Variants in ARMCX4 observed in about 807,000 individuals in gnomAD.
The protein encoded by ARMCX4 is armadillo repeat-containing X-linked protein 4.
ARMCX4 carries 3 observed loss-of-function variants against 34.7 expected under a neutral mutation model. The observed-to-expected ratio is 0.09, with a 90% CI of 0.04 to 0.22. The LOEUF (loss-of-function observed/expected upper bound fraction) is 0.22. Among genes scored for constraint, ARMCX4 ranks in the 10% least tolerant of loss-of-function variants. ARMCX4 has a pLI of 1.00. For missense variants in ARMCX4, 1,448 were observed against 1,720.8 expected (o/e 0.84, Z 2.81); for synonymous variants, 513 against 632.8 (o/e 0.81, Z 2.84).
chrX:101,500,768 T>G (rs1301545303), downstream of ARMCX4, among the ~76,000 whole-genome samples: 1 of 112,334 alleles, frequency 8.9e-6, no homozygotes, highest in African/African-American at 3.2e-5. Flanking sequence ...ACACAGTTTT[T>G]CCTCAGTGCT....
intron 2 of ARMCX4, among the ~76,000 whole-genome samples, chrX:101,428,083 C>T (rs1039497502): frequency 8.9e-5 from 10 of 111,949 alleles, no homozygotes; most frequent in African/African-American, 1.6e-4. Flanking sequence ...ACGTGTACAC[C>T]GGTGTTCTTA....
In ARMCX4 at chrX:101,495,245, A is replaced by G; in HGVS notation, c.6656A>G (p.Lys2219Arg). The change falls in exon 6 of 6, where the codon AAG becomes AGG. Residue 2219 changes from lysine (K) to arginine (R), a missense_variant. Lys to Arg is a conservative substitution (Grantham distance 26). Coordinates refer to ENST00000423738, the MANE Select transcript of ARMCX4 (RefSeq NM_001256155.3). The stretch of plus-strand genomic sequence containing the variant: ...AACATTTTTAGCAAGAAAGAGACAA[A>G]GGAGAATATTCTTAATGCTCTTTCA... ...LINIFSKKET[K>R]ENILNALSLF... The G allele has an allele frequency of 8.7e-7, 1 of 1,147,754 alleles. No individual in the cohort carries two copies. Among genetic ancestry groups the G allele is most frequent in the Non-Finnish European group, 1.2e-6 (1 of 866,034 alleles). 94.6% of individuals were successfully genotyped at this position (1,147,754 alleles called of 1,213,427 possible).
chrX:101,470,124 T>G (rs1273468392), intron 4 of ARMCX4, among the ~76,000 whole-genome samples: 1 of 111,797 alleles, frequency 8.9e-6, no homozygotes, highest in Non-Finnish European at 1.9e-5. Context: ...AGCCAAGAAC[T>G]CTCCTGGGCT....
chrX:101,425,352 A>G (rs1301545453), intron 2 of ARMCX4, among the ~76,000 whole-genome samples: 1 of 109,818 alleles, frequency 9.1e-6, no homozygotes, highest in African/African-American at 3.3e-5. Context: ...GAAATCTAGA[A>G]TGGAACAGAT....
chrX:101,498,154 C>T (rs572503736), downstream of ARMCX4: 1 of 330,239 alleles, frequency 3.0e-6, no homozygotes, highest in South Asian at 2.6e-5. Context: ...GGTGTTGATC[C>T]CAAGAGCATT....
intron 2 of ARMCX4, among the ~76,000 whole-genome samples, chrX:101,429,332 C>CTTTTT (rs151320609): frequency 3.1e-5 from 2 of 64,149 alleles, no homozygotes; most frequent in African/African-American, 5.5e-5. Context: ...CCTAGATTGT[C>CTTTTT]TTTTTTTTTT....
chrX:101,425,393 CTTT>C (rs1433372159), intron 2 of ARMCX4, among the ~76,000 whole-genome samples: 1 of 88,802 alleles, frequency 1.1e-5, no homozygotes. Context: ...GAGGAAGGCA[CTTT>C]TTTTTTTTTT....
chrX:101,521,035 G>A (rs1352225474), intron 11 of ARMCX4, among the ~76,000 whole-genome samples: 8 of 107,507 alleles, frequency 7.4e-5, no homozygotes, highest in Middle Eastern at 4.8e-3. Flanking sequence ...GGGTTGAAGC[G>A]ATCCTCCTTC....
intron 2 of ARMCX4, among the ~76,000 whole-genome samples, chrX:101,438,476 A>T (rs1555995701): frequency 9.0e-6 from 1 of 110,896 alleles, no homozygotes; most frequent in East Asian, 2.8e-4. Context: ...GAGGCAGGAG[A>T]ATGGCGTGAA....
chrX:101,488,678 G>C lies in ARMCX4; in HGVS notation c.89G>C (p.Gly30Ala). Residue 30 changes from glycine to alanine, a missense_variant, in exon 6 of 6, where the codon GGA becomes GCA. Physicochemically the swap from Gly to Ala is moderately conservative, Grantham distance 60. Transcript: ENST00000423738. ...TACTACATTTACAAATTTACCAAGGGAAGAGCCCAGAGTGTGAGGACTCTT... is the reference window on the plus strand; with the variant it reads ...TACTACATTTACAAATTTACCAAGGCAAGAGCCCAGAGTGTGAGGACTCTT... ...TCYYIYKFTK[G>A]RAQSVRTLAR... is the part of the protein sequence containing the mutation. 1.7e-6 allele frequency: 2 copies of C among 1,156,141 alleles called. No individual in the cohort carries two copies. The highest frequency in any genetic ancestry group is 2.3e-6 in the Non-Finnish European group (2 of 872,999).
downstream of ARMCX4, among the ~76,000 whole-genome samples, chrX:101,497,651 G>A (rs1461844542): frequency 8.9e-6 from 1 of 112,163 alleles, no homozygotes; most frequent in Non-Finnish European, 1.9e-5. Flanking sequence ...CTGGTCAGTA[G>A]TATTTGAGGG....
intron 3 of ARMCX4, chrX:101,445,934 A>G (rs1167730685): frequency 9.0e-6 from 1 of 111,523 alleles, no homozygotes; most frequent in Non-Finnish European, 1.9e-5. Flanking sequence ...GCACAAACAC[A>G]TGTTTATTTC....
chrX:101,534,776 G>T (rs782318362), downstream of ARMCX4, among the ~76,000 whole-genome samples: 1 of 111,212 alleles, frequency 9.0e-6, no homozygotes, highest in African/African-American at 3.3e-5. Context: ...CACTGAACAA[G>T]CATTTACTTA....
chrX:101,438,835 C>G (rs1330073267), intron 2 of ARMCX4, among the ~76,000 whole-genome samples: 62 of 111,090 alleles, frequency 5.6e-4, no homozygotes, highest in Non-Finnish European at 9.6e-4. Flanking sequence ...AGATCTTCCT[C>G]CATCCCTTTA....
At chrX:101,535,702 A>G (rs1935206703), downstream of ARMCX4, among the ~76,000 whole-genome samples, 1 of 111,612 alleles carries the variant, frequency 9.0e-6, no homozygotes, top group Non-Finnish European at 1.9e-5. Flanking sequence ...ATGCCTACAA[A>G]TTTTGAAACA....
intron 2 of ARMCX4, chrX:101,443,876 A>T (rs1244213093): frequency 5.4e-6 from 2 of 372,983 alleles, no homozygotes; most frequent in Non-Finnish European, 1.0e-5. Flanking sequence ...AGCATTTTCC[A>T]TGAACAAGAT....
intron 2 of ARMCX4, among the ~76,000 whole-genome samples, chrX:101,425,853 C>T (rs1444338167): frequency 1.8e-5 from 2 of 110,680 alleles, no homozygotes; most frequent in East Asian, 2.8e-4. Context: ...CAGGGTCTCA[C>T]GCTGTTGCCC....
Position 101,488,642 on chromosome X carries a change from C to T in ARMCX4, c.53C>T (p.Ala18Val), listed in dbSNP as rs782366093. The T allele has an allele frequency of 1.0e-5, 12 of 1,154,165 alleles. No homozygotes were observed. The highest frequency in any genetic ancestry group is 1.4e-5 in the Non-Finnish European group (12 of 872,592). ...GWVTAGLVIW[A>V]GTCYYIYKFT... ...GTGACTGCAGGACTGGTGATCTGGGCTGGCACCTGCTACTACATTTACAAA... is the reference window on the plus strand; with the variant it reads ...GTGACTGCAGGACTGGTGATCTGGGTTGGCACCTGCTACTACATTTACAAA... Residue 18 changes from alanine (A) to valine (V), a missense_variant, in exon 6 of 6, where the codon GCT becomes GTT. Physicochemically the swap from Ala to Val is moderately conservative, Grantham distance 64. Coordinates refer to ENST00000423738, the MANE Select transcript of ARMCX4 (RefSeq NM_001256155.3).
Position 101,441,692 on chromosome X carries a change from G to A in ARMCX4, n.165-2360G>A, listed in dbSNP as rs367569844. ...TAGAGTAGGCAGGCCACCCACAACCGCCCCAAACACTGAGTCATTTTCAAT... is the reference window on the plus strand; with the variant it reads ...TAGAGTAGGCAGGCCACCCACAACCACCCCAAACACTGAGTCATTTTCAAT... On this transcript the variant is annotated intron_variant and non_coding_transcript_variant, in intron 2 of 3. Transcript: ENST00000430461. Among the ~76,000 whole-genome samples, 12 of 111,146 alleles carry A rather than the reference G, an allele frequency of 1.1e-4. No individual in the cohort carries two copies. The East Asian group carries it at 1.1e-3, about 10-fold the overall frequency.
Sources: allele counts gnomAD v4.1 joint callset (sites outside exome capture counted in the v4.1 genomes callset), GRCh38; gene constraint gnomAD v4.1.1; transcripts MANE v1.5; gene names NCBI Gene and HGNC (gene_info 2026-07-23, HGNC 2026-07-21).